ADAM10: variants seen among roughly 807,000 people sequenced by gnomAD.
The protein encoded by ADAM10 is disintegrin and metalloproteinase domain-containing protein 10.
In ADAM10, 17 loss-of-function variants were observed where a neutral mutation model predicts 90.1. The observed-to-expected ratio is 0.19, with a 90% confidence interval of 0.13 to 0.28. The LOEUF is 0.28. Ranked by LOEUF, ADAM10 falls within the 10% of genes least tolerant of loss-of-function variation. The probability of loss-of-function intolerance (pLI) is 1.00; values close to 1 mark genes in which losing one functional copy is unlikely to be tolerated. For missense variants in ADAM10, 610 were observed against 914.3 expected, an observed-to-expected ratio of 0.67 and a Z score of 4.29; for synonymous variants, 310 against 298.6, an observed-to-expected ratio of 1.04 and a Z score of -0.40.
chr15:58,599,000 C>T (rs1321253112), intron 15 of ADAM10, among the ~76,000 whole-genome samples: 1 of 152,100 alleles, frequency 6.6e-6, no homozygotes, highest in African/African-American at 2.4e-5. Context: ...AGCTTATGTG[C>T]CAGAAAATAT....
intron 11 of ADAM10, among the ~76,000 whole-genome samples, chr15:58,615,935 G>A (rs1344229663): frequency 2.0e-5 from 3 of 152,008 alleles, no homozygotes; most frequent in African/African-American, 7.2e-5. Flanking sequence ...TTGAACCCGG[G>A]AGGCGCAGGT....
chr15:58,631,336 G>C (rs1896094342), intron 9 of ADAM10, among the ~76,000 whole-genome samples: 1 of 152,122 alleles, frequency 6.6e-6, no homozygotes, highest in South Asian at 2.1e-4. Flanking sequence ...CAAAAGAATG[G>C]GGTACGATTG....
At chr15:58,617,060 G>C (rs1895635173) in intron 11 of ADAM10, among the ~76,000 whole-genome samples, 1 of 152,050 alleles carries the variant, frequency 6.6e-6, no homozygotes, top group African/African-American at 2.4e-5. Flanking sequence ...AGTGAGCCGA[G>C]ATTGCACCAC....
chr15:58,749,425 C>A, intron 1 of ADAM10, 55 bp downstream of exon 1: 1 of 1,493,408 alleles, frequency 6.7e-7, no homozygotes, highest in African/African-American at 1.4e-5. Flanking sequence ...CCGCTCGGCC[C>A]GGCCGCCGCT....
intron 2 of ADAM10, chr15:58,692,586 G>A (rs757482789): frequency 5.4e-6 from 3 of 554,536 alleles, no homozygotes; most frequent in South Asian, 1.4e-5. Context: ...TGAACTGAGG[G>A]TGCTTCTTCA....
In ADAM10 at chr15:58,645,953, T is replaced by G; in HGVS notation, c.735+102A>C. Reference sequence around the variant, plus strand: ...TCACATCACAACTGAAAACACATACTTTTTCCCAAAAAGAGAATACACTAA... The same window carrying G: ...TCACATCACAACTGAAAACACATACGTTTTCCCAAAAAGAGAATACACTAA... On this transcript the variant is annotated intron_variant, in intron 6 of 15. Transcript: ENST00000260408. 6 of 1,313,558 alleles carry G rather than the reference T, an allele frequency of 4.6e-6. No homozygotes were observed. The South Asian group carries it at 7.3e-5, about 16-fold the overall frequency. The allele number at this position is 1,313,558 out of a possible 1,614,324, so 81.4% of individuals were successfully genotyped here.
At chr15:58,693,036 A>T in intron 2 of ADAM10, 1 of 764,306 alleles carries the variant, frequency 1.3e-6, no homozygotes, top group Non-Finnish European at 2.4e-6. Flanking sequence ...TCTCATAGCG[A>T]ATCTTGTCTA....
intron 6 of ADAM10, among the ~76,000 whole-genome samples, chr15:58,645,420 C>T (rs1896521157): frequency 6.6e-6 from 1 of 152,160 alleles, no homozygotes; most frequent in South Asian, 2.1e-4. Flanking sequence ...GGCTACCCTT[C>T]CCTCAAGCTC....
intron 9 of ADAM10, among the ~76,000 whole-genome samples, chr15:58,630,263 G>C (rs1400777017): frequency 2.0e-5 from 3 of 152,064 alleles, no homozygotes; most frequent in Non-Finnish European, 4.4e-5. Context: ...TTTTTATTAA[G>C]GGCCATATTC....
At chr15:58,686,674 C>A (rs1441101795) in intron 2 of ADAM10, 18 of 708,686 alleles carry the variant, frequency 2.5e-5, no homozygotes, top group Middle Eastern at 3.4e-4. Context: ...TGATGAATGA[C>A]TGCCTTCAAG....
intron 2 of ADAM10, among the ~76,000 whole-genome samples, chr15:58,685,568 ATATATATATATATATG>A (rs1566994249): frequency 8.0e-6 from 1 of 124,998 alleles, no homozygotes; most frequent in Non-Finnish European, 1.7e-5. Flanking sequence ...ATATATATAT[ATATATATATATATATG>A]TATATATACA....
chr15:58,677,139 C>T (rs1283375157), intron 4 of ADAM10, among the ~76,000 whole-genome samples: 1 of 152,164 alleles, frequency 6.6e-6, no homozygotes, highest in African/African-American at 2.4e-5. Flanking sequence ...ATTAAAAACT[C>T]TGTTTAAGGG....
chr15:58,622,555 T>G (rs1228592671), intron 10 of ADAM10, among the ~76,000 whole-genome samples: 1 of 152,152 alleles, frequency 6.6e-6, no homozygotes, highest in African/African-American at 2.4e-5. Flanking sequence ...AGTAGGTAAT[T>G]TTTTTTATGT....
intron 4 of ADAM10, chr15:58,672,184 G>C (rs1187577337): frequency 1.3e-5 from 2 of 152,106 alleles, no homozygotes; most frequent in African/African-American, 4.8e-5. Flanking sequence ...ATATAATCAT[G>C]TATTTCTGAT....
intron 1 of ADAM10, chr15:58,748,438 C>CCCCAG (rs1264635655): frequency 6.6e-6 from 1 of 152,380 alleles, no homozygotes; most frequent in African/African-American, 2.4e-5. Flanking sequence ...AAAAAGCTTA[C>CCCCAG]CTAAAATAAA....
At chr15:58,665,235 T>C (rs1277212404) in intron 4 of ADAM10, 38 bp from the exon 5 acceptor site, 1 of 1,408,766 alleles carries the variant, frequency 7.1e-7, no homozygotes, top group Non-Finnish European at 1.0e-6. Flanking sequence ...CTATCACACA[T>C]TTAGGTATAA....
rs1894907263 is a variant in ADAM10, at chr15:58,594,780, T to A, written c.*2767A>T. 1 of 152,254 alleles carries A rather than the reference T, an allele frequency of 6.6e-6. No homozygotes were observed. The highest frequency in any genetic ancestry group is 2.1e-4 in the South Asian group (1 of 4,824). The allele number at this position is 152,254 out of a possible 1,614,324, so 9.4% of individuals were successfully genotyped here. On this transcript the variant is annotated 3_prime_UTR_variant, in exon 16 of 16. Transcript: ENST00000260408. ...ATTTATAATTACCCAAATCAATCAA[T>A]ATTGAGAGTTTCATAAATAACTAAA...
At chr15:58,744,554 AT>A (rs1899723759) in intron 1 of ADAM10, among the ~76,000 whole-genome samples, 1 of 152,232 alleles carries the variant, frequency 6.6e-6, no homozygotes, top group South Asian at 2.1e-4. Context: ...CATTTCAGTC[AT>A]TTCTGGAAAA....
intron 8 of ADAM10, among the ~76,000 whole-genome samples, chr15:58,639,780 A>C (rs1896366922): frequency 6.6e-6 from 1 of 152,152 alleles, no homozygotes; most frequent in Non-Finnish European, 1.5e-5. Flanking sequence ...AAGAAATACA[A>C]AGGAAAATAC....
Sources: gnomAD v4.1 joint callset for allele counts (sites outside exome capture counted in the v4.1 genomes callset) on GRCh38, gnomAD v4.1.1 for gene constraint, MANE v1.5 for transcripts, NCBI Gene and HGNC (gene_info 2026-07-23, HGNC 2026-07-21) for gene names.